The following MSRA variants were observed in gnomAD, a reference collection of about 807,000 sequenced individuals.
The protein encoded by MSRA is methionine sulfoxide reductase A, also known as mitochondrial peptide methionine sulfoxide reductase.
Under a neutral mutation model 31.3 loss-of-function variants are expected in MSRA, and 54 were observed. The observed-to-expected ratio is 1.73, with a 90% CI of 1.39 to 2.17. The LOEUF is 2.17. Ranked by LOEUF, MSRA falls within the 30% of genes most tolerant of loss-of-function variation. MSRA has a pLI of 0.00. For synonymous variants in MSRA, 169 were observed against 116.5 expected (o/e 1.45, Z -2.90); for missense variants, 507 against 300.9 (o/e 1.69, Z -5.07).
intron 5 of MSRA, among the ~76,000 whole-genome samples, chr8:10,392,834 C>A (rs1029287024): frequency 1.4e-5 from 2 of 138,646 alleles, no homozygotes; most frequent in African/African-American, 5.6e-5. Context: ...ATCACCAGGT[C>A]AGGAGATCAA....
chr8:10,309,605 G>C (rs190339642), intron 4 of MSRA, among the ~76,000 whole-genome samples: 102 of 152,306 alleles, frequency 6.7e-4, no homozygotes, highest in Middle Eastern at 3.4e-3. Flanking sequence ...TCCTCAGAAG[G>C]CTTGGTCTGG....
intron 3 of MSRA, among the ~76,000 whole-genome samples, chr8:10,286,664 T>C (rs1799955179): frequency 6.6e-6 from 1 of 152,248 alleles, no homozygotes; most frequent in Admixed American, 6.5e-5. Context: ...CACCTAACAC[T>C]TTCTATCCTG....
intron 2 of MSRA, among the ~76,000 whole-genome samples, chr8:10,238,923 A>C (rs1812174169): frequency 6.6e-6 from 1 of 152,242 alleles, no homozygotes; most frequent in South Asian, 2.1e-4. Context: ...TCAAATTTAA[A>C]ACATCTGTAT....
intron 1 of MSRA, among the ~76,000 whole-genome samples, chr8:10,121,871 G>T (rs1424355606): frequency 1.3e-5 from 2 of 151,528 alleles, no homozygotes; most frequent in African/African-American, 4.9e-5. Context: ...GGTAGAAACA[G>T]GGTTTTGTTA....
chr8:10,372,632 A>G (rs940864678), intron 5 of MSRA, among the ~76,000 whole-genome samples: 37 of 152,198 alleles, frequency 2.4e-4, no homozygotes, highest in African/African-American at 8.9e-4. Flanking sequence ...GGGTTAGCTT[A>G]CAATTAGACA....
At chr8:10,342,670 C>T (rs886197581) in intron 5 of MSRA, among the ~76,000 whole-genome samples, 8 of 152,210 alleles carry the variant, frequency 5.3e-5, no homozygotes, top group Admixed American at 6.5e-5. Flanking sequence ...CCGAGTCCAG[C>T]GCAGTTCCCT....
chr8:10,297,316 A>G (rs1800600256), intron 3 of MSRA, among the ~76,000 whole-genome samples: 2 of 152,026 alleles, frequency 1.3e-5, no homozygotes, highest in African/African-American at 4.8e-5. Context: ...AGAGGACATC[A>G]TCCTTTTCAT....
At chr8:10,365,712 C>A (rs1465697247) in intron 5 of MSRA, among the ~76,000 whole-genome samples, 1 of 152,196 alleles carries the variant, frequency 6.6e-6, no homozygotes, top group Non-Finnish European at 1.5e-5. Flanking sequence ...GAAGGGATCA[C>A]CTCCTAATCC....
rs190145061 is a variant in MSRA at position 10,185,067 on chromosome 8, A to T, written c.143-22766A>T. On this transcript the variant is annotated intron_variant, in intron 1 of 5. Transcript: ENST00000317173. ...CTTCTGCTTTTGGTAAACATTCCCA[A>T]CATTTACCATGAAATCCTCTCTCTC... 1.1e-4 allele frequency among the ~76,000 whole-genome samples: 16 copies of T among 152,292 alleles called. No individual in the cohort carries two copies. The East Asian group carries it at 2.9e-3, about 28-fold the overall frequency.
chr8:10,378,215 C>T (rs1805861993), intron 5 of MSRA, among the ~76,000 whole-genome samples: 1 of 152,194 alleles, frequency 6.6e-6, no homozygotes. Flanking sequence ...TGGGCCTTGA[C>T]ACAGAAAGCT....
chr8:10,356,755 C>T (rs1273605030), intron 5 of MSRA, among the ~76,000 whole-genome samples: 2 of 152,076 alleles, frequency 1.3e-5, no homozygotes, highest in Admixed American at 6.5e-5. Context: ...TTCTGGACTT[C>T]CTAGCCTCCA....
rs1036437979 is a variant in MSRA at position 10,412,987 on chromosome 8, A to G, written c.544-15161A>G. Among the ~76,000 whole-genome samples, 6 of 152,222 alleles carry G rather than the reference A, an allele frequency of 3.9e-5. No individual in the cohort carries two copies. The East Asian group carries it at 1.2e-3, about 29-fold the overall frequency. On this transcript the variant is annotated intron_variant, in intron 5 of 5. Coordinates refer to ENST00000317173, the MANE Select transcript of MSRA (RefSeq NM_012331.5). Reference sequence around the variant, plus strand: ...CAATCCCAGTCCTAGATTTTTACCTACGAGAAATAAGACGACACAAAAACC... The same window carrying G: ...CAATCCCAGTCCTAGATTTTTACCTGCGAGAAATAAGACGACACAAAAACC...
chr8:10,199,760 C>T (rs144846265), intron 1 of MSRA, among the ~76,000 whole-genome samples: 99 of 152,300 alleles, frequency 6.5e-4, no homozygotes, highest in Non-Finnish European at 9.6e-4. Flanking sequence ...TGTCCTCATC[C>T]TTATTTCCTC....
chr8:10,410,737 G>C (rs543014822), intron 5 of MSRA, among the ~76,000 whole-genome samples: 1 of 152,314 alleles, frequency 6.6e-6, no homozygotes, highest in East Asian at 1.9e-4. Context: ...TTGATACTTA[G>C]AGATGCACAG....
chr8:10,205,003 G>C (rs1341348435), intron 1 of MSRA, among the ~76,000 whole-genome samples: 2 of 152,170 alleles, frequency 1.3e-5, no homozygotes, highest in African/African-American at 2.4e-5. Context: ...GGTCCTGAGG[G>C]ATCAGGGTGG....
At chr8:10,395,966 G>T (rs1807072143) in intron 5 of MSRA, among the ~76,000 whole-genome samples, 1 of 152,204 alleles carries the variant, frequency 6.6e-6, no homozygotes, top group African/African-American at 2.4e-5. Flanking sequence ...GTGCAGTCAA[G>T]CTCAAGTGGG....
chr8:10,158,615 T>A (rs577079491), intron 1 of MSRA, among the ~76,000 whole-genome samples: 1 of 152,366 alleles, frequency 6.6e-6, no homozygotes, highest in Non-Finnish European at 1.5e-5. Context: ...AGACACCACA[T>A]TTTATGTATT....
chr8:10,124,762 A>G (rs1401138741), intron 1 of MSRA, among the ~76,000 whole-genome samples: 2 of 152,150 alleles, frequency 1.3e-5, no homozygotes, highest in Admixed American at 1.3e-4. Context: ...TTTTTGGTTG[A>G]GTTAAACATT....
intron 3 of MSRA, among the ~76,000 whole-genome samples, chr8:10,272,278 C>T (rs1252755960): frequency 1.3e-5 from 2 of 152,132 alleles, no homozygotes; most frequent in Non-Finnish European, 2.9e-5. Flanking sequence ...TCAGGATTGG[C>T]TCATATGATT....
Sources: gnomAD v4.1 joint callset for allele counts (sites outside exome capture counted in the v4.1 genomes callset) on GRCh38, gnomAD v4.1.1 for gene constraint, MANE v1.5 for transcripts, NCBI Gene and HGNC (gene_info 2026-07-23, HGNC 2026-07-21) for gene names.